Variants in EPHA6 observed in about 807,000 individuals in gnomAD.
EPHA6 encodes the protein ephrin type-A receptor 6.
EPHA6 carries 50 observed loss-of-function variants against 112.0 expected under a neutral mutation model. The ratio of observed to expected loss-of-function variants is 0.45; its 90% CI spans 0.36 to 0.56. The LOEUF (loss-of-function observed/expected upper bound fraction) is 0.56. Among genes scored for constraint, EPHA6 ranks in the 20% least tolerant of loss-of-function variants. The probability of loss-of-function intolerance (pLI) is 0.00; values close to 1 mark genes in which losing one functional copy is unlikely to be tolerated. For synonymous variants in EPHA6, 529 were observed against 490.7 expected, an observed-to-expected ratio of 1.08 and a Z score of -1.03; for missense variants, 1,280 against 1,417.4, an observed-to-expected ratio of 0.90 and a Z score of 1.56.
intron 3 of EPHA6, among the ~76,000 whole-genome samples, chr3:97,180,703 G>C (rs533152058): frequency 6.6e-6 from 1 of 152,132 alleles, no homozygotes; most frequent in East Asian, 1.9e-4. Flanking sequence ...GCCCTATCCT[G>C]CTATGGCTGA....
At chr3:97,171,652 T>C (rs939079753) in intron 3 of EPHA6, among the ~76,000 whole-genome samples, 12 of 152,060 alleles carry the variant, frequency 7.9e-5, no homozygotes, top group African/African-American at 2.9e-4. Context: ...ACCAGAATTA[T>C]AGCAAACTAG....
At chr3:97,740,147 C>G (rs2035437608) in intron 16 of EPHA6, among the ~76,000 whole-genome samples, 1 of 152,062 alleles carries the variant, frequency 6.6e-6, no homozygotes, top group Admixed American at 6.6e-5. Context: ...CCAGTCCTAC[C>G]TCCCCCACCC....
chr3:97,091,143 G>A (rs989168544), intron 3 of EPHA6, among the ~76,000 whole-genome samples: 1 of 152,034 alleles, frequency 6.6e-6, no homozygotes, highest in Non-Finnish European at 1.5e-5. Context: ...AGAAAATTAC[G>A]TTATGTGATT....
intron 12 of EPHA6, among the ~76,000 whole-genome samples, chr3:97,605,083 G>T (rs2093670810): frequency 6.6e-6 from 1 of 151,452 alleles, no homozygotes; most frequent in African/African-American, 2.4e-5. Context: ...TTCTAAAATT[G>T]ATTGAGATAT....
At chr3:97,394,315 C>G (rs767899416) in intron 5 of EPHA6, among the ~76,000 whole-genome samples, 12 of 151,690 alleles carry the variant, frequency 7.9e-5, no homozygotes, top group Non-Finnish European at 1.5e-4. Flanking sequence ...AACTATGAAA[C>G]TACTAGAAGA....
intron 13 of EPHA6, among the ~76,000 whole-genome samples, chr3:97,622,584 A>G (rs1391383074): frequency 6.6e-6 from 1 of 151,796 alleles, no homozygotes; most frequent in Non-Finnish European, 1.5e-5. Context: ...CCTACTTTCC[A>G]TTCATTTGAG....
intron 3 of EPHA6, among the ~76,000 whole-genome samples, chr3:97,009,332 A>C (rs1348732903): frequency 6.6e-6 from 1 of 152,138 alleles, no homozygotes; most frequent in East Asian, 1.9e-4. Flanking sequence ...TCCTGCAGGG[A>C]AGTCCTGCCC....
At chr3:97,205,287 A>G (rs2077686516) in intron 3 of EPHA6, among the ~76,000 whole-genome samples, 1 of 152,106 alleles carries the variant, frequency 6.6e-6, no homozygotes, top group Admixed American at 6.6e-5. Context: ...TTTAGTATGA[A>G]ATTTTAGATA....
At chr3:97,303,357 C>T (rs1489119934) in intron 5 of EPHA6, among the ~76,000 whole-genome samples, 1 of 152,002 alleles carries the variant, frequency 6.6e-6, no homozygotes, top group Non-Finnish European at 1.5e-5. Context: ...CTCAGCATTT[C>T]AGTTTTCCTG....
At chr3:97,090,693 A>C (rs1296273382) in intron 3 of EPHA6, among the ~76,000 whole-genome samples, 4 of 152,112 alleles carry the variant, frequency 2.6e-5, no homozygotes, top group African/African-American at 9.6e-5. Context: ...ACTGTGTTTC[A>C]GCTTGGGTAA....
At chr3:97,128,901 T>C (rs1318327450) in intron 3 of EPHA6, among the ~76,000 whole-genome samples, 3 of 132,598 alleles carry the variant, frequency 2.3e-5, no homozygotes, top group African/African-American at 8.5e-5. Context: ...TGAGACAAGG[T>C]CTCCCTTTGT....
chr3:97,592,276 T>G (rs1245010587), intron 11 of EPHA6, among the ~76,000 whole-genome samples: 1 of 152,222 alleles, frequency 6.6e-6, no homozygotes, highest in Non-Finnish European at 1.5e-5. Context: ...CATGTAGGCA[T>G]GAATTCTGCA....
Position 97,656,227 on chromosome 3 carries a change from T to G in EPHA6, c.2784+18145T>G, listed in dbSNP as rs113546752. ...AACATGTTTGTTTTAATGCTACTTC[T>G]TTAATCAAAAAGTTGGCTGGAGGTC... On this transcript the variant is annotated intron_variant, in intron 14 of 17. Transcript: ENST00000389672. Among the ~76,000 whole-genome samples, 531 of 152,154 alleles carry G rather than the reference T, an allele frequency of 3.5e-3. 4 individuals are homozygous for G. Among genetic ancestry groups the G allele is most frequent in the African/African-American group, 0.012 (499 of 41,548 alleles).
chr3:97,147,036 A>T (rs1169947619), intron 3 of EPHA6, among the ~76,000 whole-genome samples: 2 of 152,064 alleles, frequency 1.3e-5, no homozygotes, highest in African/African-American at 2.4e-5. Context: ...AATTGAAAAG[A>T]TGTTGGCAAA....
chr3:96,930,912 A>G (rs2040279480), intron 2 of EPHA6, among the ~76,000 whole-genome samples: 1 of 140,730 alleles, frequency 7.1e-6, no homozygotes, highest in Admixed American at 7.7e-5. Context: ...GAATCACTTG[A>G]ACCTGGGAGG....
chr3:96,923,430 G>A (rs1036851083), intron 2 of EPHA6, among the ~76,000 whole-genome samples: 1 of 151,698 alleles, frequency 6.6e-6, no homozygotes, highest in African/African-American at 2.4e-5. Flanking sequence ...TTGACTGCAT[G>A]CATGTCTTCT....
intron 5 of EPHA6, among the ~76,000 whole-genome samples, chr3:97,394,479 A>C (rs2109077269): frequency 6.6e-6 from 1 of 152,036 alleles, no homozygotes; most frequent in Admixed American, 6.6e-5. Flanking sequence ...CAGAATGTAG[A>C]AAACACCTGC....
At chr3:97,442,452 G>A (rs2090167351) in intron 6 of EPHA6, among the ~76,000 whole-genome samples, 2 of 152,186 alleles carry the variant, frequency 1.3e-5, no homozygotes, top group South Asian at 4.1e-4. Flanking sequence ...CAAGTGTGGT[G>A]GCACGTGCCT....
chr3:96,850,121 TGTAA>T (rs2035295743), intron 1 of EPHA6, among the ~76,000 whole-genome samples: 1 of 152,118 alleles, frequency 6.6e-6, no homozygotes. Context: ...TTTCAACTAT[TGTAA>T]GTGATTTATT....
Sources: allele counts gnomAD v4.1 joint callset (sites outside exome capture counted in the v4.1 genomes callset), GRCh38; gene constraint gnomAD v4.1.1; transcripts MANE v1.5; gene names NCBI Gene and HGNC (gene_info 2026-07-23, HGNC 2026-07-21).